The following TCF12 variants were observed in gnomAD, a reference collection of about 807,000 sequenced individuals.
TCF12 encodes the protein DNA-binding protein HTF4.
In TCF12, 45 loss-of-function variants were observed where a neutral mutation model predicts 86.0. The observed-to-expected ratio is 0.52, with a 90% CI of 0.41 to 0.67. TCF12 has a LOEUF of 0.67. Among genes scored for constraint, TCF12 ranks in the 30% least tolerant of loss-of-function variants. TCF12 has a pLI of 0.00. For synonymous variants in TCF12, 330 were observed against 299.6 expected (o/e 1.10, Z -1.05); for missense variants, 881 against 859.9 (o/e 1.02, Z -0.31).
At chr15:57,121,174 A>C (rs973051577) in intron 5 of TCF12, among the ~76,000 whole-genome samples, 1 of 152,344 alleles carries the variant, frequency 6.6e-6, no homozygotes, top group East Asian at 1.9e-4. Context: ...GTGAGGCTAC[A>C]TGACTGACGT....
At chr15:57,111,287 C>T (rs1211699084) in intron 5 of TCF12, among the ~76,000 whole-genome samples, 2 of 152,024 alleles carry the variant, frequency 1.3e-5, no homozygotes, top group African/African-American at 4.8e-5. Flanking sequence ...AAACATAGTG[C>T]CTACAACTTT....
At chr15:57,266,703 G>A (rs1284409191) in intron 18 of TCF12, among the ~76,000 whole-genome samples, 1 of 152,132 alleles carries the variant, frequency 6.6e-6, no homozygotes, top group Admixed American at 6.5e-5. Context: ...GTGATTTCTG[G>A]ATTTTTCCTT....
chr15:57,264,195 CTTTTTTTTT>C (rs770642915), intron 18 of TCF12, among the ~76,000 whole-genome samples: 4 of 50,698 alleles, frequency 7.9e-5, no homozygotes, highest in Non-Finnish European at 1.2e-4. Flanking sequence ...CTTTTGTAAG[CTTTTTTTTT>C]TTTTTTTTTT....
intron 3 of TCF12, among the ~76,000 whole-genome samples, chr15:57,043,428 C>G (rs531889273): frequency 6.6e-6 from 1 of 152,236 alleles, no homozygotes; most frequent in East Asian, 1.9e-4. Flanking sequence ...CTCTCCACGT[C>G]CTCACTATCA....
intron 4 of TCF12, among the ~76,000 whole-genome samples, chr15:57,066,770 T>C (rs1395577382): frequency 6.6e-6 from 1 of 152,236 alleles, no homozygotes; most frequent in Non-Finnish European, 1.5e-5. Flanking sequence ...ATACTTTCTT[T>C]ACAATAATAT....
intron 3 of TCF12, among the ~76,000 whole-genome samples, chr15:57,008,780 T>C (rs1596093169): frequency 1.3e-5 from 2 of 152,326 alleles, no homozygotes; most frequent in East Asian, 3.9e-4. Flanking sequence ...GGTTGCTCTC[T>C]AGTGACAGTA....
intron 4 of TCF12, among the ~76,000 whole-genome samples, chr15:57,070,801 C>A (rs2069304942): frequency 6.6e-6 from 1 of 152,146 alleles, no homozygotes; most frequent in Non-Finnish European, 1.5e-5. Context: ...GTCATTCTGA[C>A]CTCAGCAGGG....
intron 8 of TCF12, among the ~76,000 whole-genome samples, chr15:57,223,349 A>G (rs2058690494): frequency 6.6e-6 from 1 of 151,986 alleles, no homozygotes; most frequent in Non-Finnish European, 1.5e-5. Flanking sequence ...AATATACTAC[A>G]TTGGATCCAA....
intron 8 of TCF12, among the ~76,000 whole-genome samples, chr15:57,221,344 G>A (rs2058578874): frequency 6.6e-6 from 1 of 151,196 alleles, no homozygotes; most frequent in Non-Finnish European, 1.5e-5. Flanking sequence ...CTGATTTTAA[G>A]TAAAACAGTC....
chr15:56,957,315 A>G (rs963285483), intron 3 of TCF12, among the ~76,000 whole-genome samples: 12 of 152,168 alleles, frequency 7.9e-5, no homozygotes, highest in African/African-American at 2.9e-4. Context: ...TTTTTAGATA[A>G]TTTACTGGGC....
In TCF12 at chr15:57,239,515, C is replaced by CAAAAAAAAA. The variant is rs67591734; in HGVS notation, c.1036-3948_1036-3940dup. ...TGGGCAACAGAGCAAGACTCCATCT[C>CAAAAAAAAA]AAAAAAAAAAAAAAAAAGTTTTTGA... On this transcript the variant is annotated intron_variant, in intron 12 of 20. Coordinates refer to ENST00000333725, the MANE Select transcript of TCF12 (RefSeq NM_207037.2). 2.1e-3 allele frequency among the ~76,000 whole-genome samples: 227 copies of CAAAAAAAAA among 106,930 alleles called. 1 individual carries two copies. Among genetic ancestry groups the CAAAAAAAAA allele is most frequent in the Non-Finnish European group, 2.8e-3 (159 of 57,392 alleles). The allele number at this position is 106,930 out of a possible 152,430, so 70.2% of individuals were successfully genotyped here.
rs549725699 is a variant in TCF12 at position 57,085,800 on chromosome 15, C to T, written c.223-5989C>T. The stretch of plus-strand genomic sequence containing the variant: ...CACTTATTTATATCCAGGCCTCATC[C>T]AGAACTTTCTGATGGCTTATGGGTT... On this transcript the variant is annotated intron_variant, in intron 4 of 20. Coordinates refer to ENST00000333725, the MANE Select transcript of TCF12 (RefSeq NM_207037.2). 1.8e-3 allele frequency among the ~76,000 whole-genome samples: 278 copies of T among 152,164 alleles called. 1 individual carries two copies. The highest frequency in any genetic ancestry group is 2.7e-3 in the Non-Finnish European group (182 of 68,000).
intron 5 of TCF12, among the ~76,000 whole-genome samples, chr15:57,106,985 A>AGT (rs1300187643): frequency 6.6e-6 from 1 of 152,272 alleles, no homozygotes; most frequent in African/African-American, 2.4e-5. Flanking sequence ...AAAATGGTAT[A>AGT]GTCACTTTGG....
chr15:57,227,560 C>T (rs530044650), intron 8 of TCF12, among the ~76,000 whole-genome samples: 2 of 152,212 alleles, frequency 1.3e-5, no homozygotes, highest in African/African-American at 4.8e-5. Flanking sequence ...AGTTGCTTTA[C>T]GGTGAGTGTG....
rs375965686 is a variant in TCF12 at position 57,049,667 on chromosome 15, A to G, written c.149-14083A>G. On this transcript the variant is annotated intron_variant, in intron 3 of 20. Coordinates refer to ENST00000333725, the MANE Select transcript of TCF12 (RefSeq NM_207037.2). ...TTTGGCTATTACAAATAAAGCTGCTATAAACAGTTTTGTGTAATTCTGTTT... is the reference window on the plus strand; with the variant it reads ...TTTGGCTATTACAAATAAAGCTGCTGTAAACAGTTTTGTGTAATTCTGTTT... Among the ~76,000 whole-genome samples the G allele has an allele frequency of 5.3e-5, 8 of 152,348 alleles. No homozygotes were observed. The East Asian group carries it at 9.6e-4, about 18-fold the overall frequency.
chr15:57,198,753 T>C (rs2057391905), intron 8 of TCF12, among the ~76,000 whole-genome samples: 2 of 77,822 alleles, frequency 2.6e-5, no homozygotes, highest in South Asian at 4.6e-4. Context: ...GGCTTTTATT[T>C]GGCAGTACTT....
At chr15:57,284,268 G>A (rs1225758835) in intron 20 of TCF12, among the ~76,000 whole-genome samples, 2 of 152,074 alleles carry the variant, frequency 1.3e-5, no homozygotes, top group African/African-American at 4.8e-5. Context: ...GCAATGGTGT[G>A]ATCATCTCGG....
intron 3 of TCF12, among the ~76,000 whole-genome samples, chr15:56,996,939 G>A (rs1053098963): frequency 6.6e-6 from 1 of 152,194 alleles, no homozygotes; most frequent in Non-Finnish European, 1.5e-5. Context: ...TTTCATACCA[G>A]TCAGAATGGC....
intron 3 of TCF12, among the ~76,000 whole-genome samples, chr15:56,987,416 A>G (rs2063247859): frequency 6.6e-6 from 1 of 152,106 alleles, no homozygotes; most frequent in Non-Finnish European, 1.5e-5. Context: ...TGCCTGGCCT[A>G]ATTAGTTACT....
Sources: allele counts gnomAD v4.1 joint callset (sites outside exome capture counted in the v4.1 genomes callset), GRCh38; gene constraint gnomAD v4.1.1; transcripts MANE v1.5; gene names NCBI Gene and HGNC (gene_info 2026-07-23, HGNC 2026-07-21).